Variants in PIR observed in about 807,000 individuals in gnomAD.
The protein encoded by PIR is pirin (iron-binding nuclear protein).
In PIR, 22 loss-of-function variants were observed where a neutral mutation model predicts 24.2. That is an observed-to-expected ratio of 0.91 (90% CI 0.65 to 1.30). The LOEUF (loss-of-function observed/expected upper bound fraction) is 1.30, where lower values mean the gene tolerates loss of function less well. Among genes scored for constraint, PIR ranks in the 50% most tolerant of loss-of-function variants. The pLI is 0.00. For synonymous variants in PIR, 80 were observed against 79.6 expected, an observed-to-expected ratio of 1.00 and a Z score of -0.03; for missense variants, 220 against 220.3, an observed-to-expected ratio of 1.00 and a Z score of 0.01.
chrX:15,409,175 T>A (rs1044472809), intron 6 of PIR, among the ~76,000 whole-genome samples: 8 of 101,369 alleles, frequency 7.9e-5, no homozygotes, highest in Non-Finnish European at 1.6e-4. Context: ...CTCCGCTCAC[T>A]GCAAGCTCCG....
At chrX:15,437,023 G>T (rs1925772691) in intron 5 of PIR, among the ~76,000 whole-genome samples, 1 of 112,000 alleles carries the variant, frequency 8.9e-6, no homozygotes, top group East Asian at 2.8e-4. Flanking sequence ...CCATGAAAAT[G>T]AGCTAAGGCA....
At chrX:15,427,306 C>T (rs1048873016) in intron 5 of PIR, among the ~76,000 whole-genome samples, 7 of 111,091 alleles carry the variant, frequency 6.3e-5, no homozygotes, top group Admixed American at 3.8e-4. Context: ...AGTGTGTTTA[C>T]TTGGTAAACA....
chrX:15,464,067 G>A (rs5934242), intron 3 of PIR, among the ~76,000 whole-genome samples: 26,412 of 111,440 alleles, frequency 0.24, 2,506 homozygotes, highest in East Asian at 0.51. Context: ...CTGTGCAACC[G>A]TTAAAAAGTG....
chrX:15,459,608 G>T, intron 4 of PIR, 49 bp downstream of exon 4: 1 of 752,982 alleles, frequency 1.3e-6, no homozygotes, highest in Non-Finnish European at 2.1e-6. Flanking sequence ...TCAAGCACGT[G>T]CACCCAAAAA....
chrX:15,402,892 A>C (rs1924434831), intron 7 of PIR, among the ~76,000 whole-genome samples: 1 of 112,071 alleles, frequency 8.9e-6, no homozygotes, highest in Non-Finnish European at 1.9e-5. Flanking sequence ...TTATTTAATT[A>C]ATTTACAACT....
chrX:15,422,740 A>T (rs763615298), intron 6 of PIR, among the ~76,000 whole-genome samples: 1 of 112,066 alleles, frequency 8.9e-6, no homozygotes, highest in East Asian at 2.8e-4. Context: ...AATATCATTA[A>T]AATGACAATA....
Position 15,425,980 on chromosome X carries a change from T to C in PIR, c.491A>G (p.Tyr164Cys). The C allele has an allele frequency of 8.5e-7, 1 of 1,178,329 alleles. No homozygotes were observed. The highest frequency in any genetic ancestry group is 1.2e-6 in the Non-Finnish European group (1 of 865,425). Residue 164 changes from tyrosine (Y) to cysteine (C), a missense_variant, in exon 6 of 10, where the codon TAC becomes TGC. Tyr to Cys is a radical substitution (Grantham distance 194, BLOSUM62 -2). Transcript: ENST00000380420. Reference protein sequence around the residue: ...GEALGIKSKVYTRTPTLYLDF... With the variant: ...GEALGIKSKVCTRTPTLYLDF... ...CAAATATAAGGTTGGTGTGCGAGTG[T>C]AAACCTTGGACTGAAAAGGAAAAGG...
chrX:15,436,888 T>C (rs1925767444), intron 5 of PIR, among the ~76,000 whole-genome samples: 1 of 112,227 alleles, frequency 8.9e-6, no homozygotes, highest in Non-Finnish European at 1.9e-5. Flanking sequence ...GGTCTAGGGC[T>C]TCTTCTACGT....
chrX:15,407,969 T>C (rs1924603091), intron 6 of PIR, among the ~76,000 whole-genome samples: 1 of 64,623 alleles, frequency 1.5e-5, no homozygotes, highest in African/African-American at 6.9e-5. Context: ...AAGCTGATGC[T>C]AGAAATATGC....
At chrX:15,426,251 A>C (rs973074947) in intron 5 of PIR, among the ~76,000 whole-genome samples, 2 of 111,461 alleles carry the variant, frequency 1.8e-5, no homozygotes, top group Admixed American at 9.6e-5. Context: ...GTTCTCAAAT[A>C]TAGTCCAATA....
Position 15,484,778 on chromosome X carries a change from C to T in PIR, c.97-4957G>A, listed in dbSNP as rs1164721523. On this transcript the variant is annotated intron_variant, in intron 2 of 9. Transcript: ENST00000380420. Reference sequence around the variant, plus strand: ...GCAAATAACTTGGCTGAACTGTGTTCATATCCTAGTGTTTTGTGGAAGGTA... The same window carrying T: ...GCAAATAACTTGGCTGAACTGTGTTTATATCCTAGTGTTTTGTGGAAGGTA... Among the ~76,000 whole-genome samples the T allele has an allele frequency of 2.7e-5, 3 of 112,058 alleles. No individual in the cohort carries two copies. The Admixed American group carries it at 2.8e-4, about 11-fold the overall frequency.
At chrX:15,455,137 A>G (rs1921031321) in intron 5 of PIR, among the ~76,000 whole-genome samples, 1 of 112,169 alleles carries the variant, frequency 8.9e-6, no homozygotes, top group Non-Finnish European at 1.9e-5. Context: ...AAGAAAACAC[A>G]CTACCTCAGA....
chrX:15,457,876 C>A (rs1363770880), intron 4 of PIR, among the ~76,000 whole-genome samples: 1 of 112,356 alleles, frequency 8.9e-6, no homozygotes, highest in Non-Finnish European at 1.9e-5. Flanking sequence ...CACGGCCATG[C>A]CCATTCATTG....
intron 5 of PIR, among the ~76,000 whole-genome samples, chrX:15,434,363 A>G (rs1202709499): frequency 9.4e-6 from 1 of 106,231 alleles, no homozygotes; most frequent in African/African-American, 3.4e-5. Context: ...AAGGAGAAAG[A>G]AGGAGGAGGA....
At chrX:15,398,669 G>GTGTGT (rs1555952785) in intron 7 of PIR, among the ~76,000 whole-genome samples, 5,932 of 75,987 alleles carry the variant, frequency 0.078, 322 homozygotes, top group Non-Finnish European at 0.1. Context: ...GAGGAGGGAG[G>GTGTGT]GTGTGTGTGT....
intron 6 of PIR, among the ~76,000 whole-genome samples, chrX:15,409,801 TA>T (rs1183070363): frequency 1.8e-5 from 2 of 112,329 alleles, no homozygotes; most frequent in African/African-American, 6.5e-5. Context: ...CACATTAATT[TA>T]AAAATATTTT....
At chrX:15,430,156 C>T (rs1423952461) in intron 5 of PIR, among the ~76,000 whole-genome samples, 2 of 111,375 alleles carry the variant, frequency 1.8e-5, no homozygotes, top group Non-Finnish European at 3.8e-5. Context: ...GAAAACATTC[C>T]CCTATAAATC....
intron 5 of PIR, among the ~76,000 whole-genome samples, chrX:15,440,988 A>G (rs1389960689): frequency 8.9e-6 from 1 of 111,874 alleles, no homozygotes; most frequent in African/African-American, 3.3e-5. Context: ...TCATGGAACC[A>G]AAACCGGTAT....
chrX:15,423,846 G>A (rs1925216852), intron 6 of PIR, among the ~76,000 whole-genome samples: 1 of 112,145 alleles, frequency 8.9e-6, no homozygotes, highest in Non-Finnish European at 1.9e-5. Flanking sequence ...AATCACCAGA[G>A]AAATGCAAAC....
Sources: allele counts gnomAD v4.1 joint callset (sites outside exome capture counted in the v4.1 genomes callset), GRCh38; gene constraint gnomAD v4.1.1; transcripts MANE v1.5; gene names NCBI Gene and HGNC (gene_info 2026-07-23, HGNC 2026-07-21).